Variants in KAZN observed in about 807,000 individuals in gnomAD.
KAZN encodes the protein kazrin.
KAZN carries 40 observed loss-of-function variants against 87.4 expected under a neutral mutation model. The ratio of observed to expected loss-of-function variants is 0.46; its 90% CI spans 0.36 to 0.60. The LOEUF (loss-of-function observed/expected upper bound fraction) is 0.60, where lower values mean the gene tolerates loss of function less well. Ranked by LOEUF, KAZN falls within the 20% of genes least tolerant of loss-of-function variation. KAZN has a pLI of 0.00. For missense variants in KAZN, 898 were observed against 1,073.9 expected (o/e 0.84, Z 2.29); for synonymous variants, 466 against 458.3 (o/e 1.02, Z -0.22).
intron 2 of KAZN, among the ~76,000 whole-genome samples, chr1:14,461,517 C>G (rs991060266): frequency 1.8e-4 from 27 of 152,258 alleles, no homozygotes; most frequent in Middle Eastern, 3.4e-3. Context: ...TCCATCAAAC[C>G]TTTTTTTCTT....
chr1:14,104,308 TC>T, intron 1 of KAZN, among the ~76,000 whole-genome samples: 1 of 152,200 alleles, frequency 6.6e-6, no homozygotes, highest in South Asian at 2.1e-4. Context: ...TGACTCAACA[TC>T]CCCCATGCAA....
At chr1:14,503,168 A>G (rs11804898) in intron 2 of KAZN, among the ~76,000 whole-genome samples, 79,720 of 151,504 alleles carry the variant, frequency 0.53, 21,479 homozygotes, top group South Asian at 0.65. Context: ...AGCAACGCCA[A>G]TCTCAGAGAG....
At chr1:14,243,225 T>C (rs371922128) in intron 2 of KAZN, among the ~76,000 whole-genome samples, 3 of 152,198 alleles carry the variant, frequency 2.0e-5, no homozygotes, top group East Asian at 3.9e-4. Context: ...CTTTCTCTTT[T>C]CTTTGAGAGC....
chr1:14,050,061 G>T (rs1166467743), intron 1 of KAZN, among the ~76,000 whole-genome samples: 2 of 151,736 alleles, frequency 1.3e-5, no homozygotes, highest in South Asian at 4.2e-4. Flanking sequence ...GTGGGTGTGT[G>T]GGGGCATGCA....
At chr1:14,346,125 G>A (rs138912732) in intron 2 of KAZN, among the ~76,000 whole-genome samples, 4 of 152,280 alleles carry the variant, frequency 2.6e-5, no homozygotes, top group East Asian at 3.9e-4. Context: ...GGCATTCATC[G>A]TCCAGGCAGA....
chr1:14,997,165 T>C (rs1229176805), intron 2 of KAZN, among the ~76,000 whole-genome samples: 1 of 152,094 alleles, frequency 6.6e-6, no homozygotes, highest in Non-Finnish European at 1.5e-5. Context: ...AGTTCCTTCA[T>C]GCATTTCACA....
chr1:13,921,821 TG>T (rs2100904257), intron 1 of KAZN, among the ~76,000 whole-genome samples: 1 of 152,050 alleles, frequency 6.6e-6, no homozygotes, highest in Admixed American at 6.5e-5. Context: ...TTAGTAGAGA[TG>T]GGGTTTCACT....
At chr1:14,218,591 C>T (rs927641577) in intron 2 of KAZN, among the ~76,000 whole-genome samples, 3 of 152,054 alleles carry the variant, frequency 2.0e-5, no homozygotes, top group African/African-American at 7.2e-5. Flanking sequence ...AAAGATCAGA[C>T]AATTTATGTT....
At chr1:14,905,712 C>A (rs1460214978) in intron 1 of KAZN, among the ~76,000 whole-genome samples, 1 of 151,036 alleles carries the variant, frequency 6.6e-6, no homozygotes, top group East Asian at 2.0e-4. Context: ...GGCATGGTGG[C>A]ACGTGCCTGT....
chr1:14,991,517 C>T (rs966862803), intron 2 of KAZN, among the ~76,000 whole-genome samples: 3 of 152,162 alleles, frequency 2.0e-5, no homozygotes, highest in South Asian at 2.1e-4. Context: ...CCTAGGAGCC[C>T]GAGGAATGTG....
intron 2 of KAZN, among the ~76,000 whole-genome samples, chr1:14,266,432 A>G (rs116797846): frequency 0.015 from 2,327 of 152,340 alleles, 61 homozygotes; most frequent in African/African-American, 0.052. Context: ...TAATTTTACC[A>G]CACGCTAATT....
At chr1:14,579,348 G>A (rs1007019652) in intron 2 of KAZN, among the ~76,000 whole-genome samples, 24 of 152,098 alleles carry the variant, frequency 1.6e-4, no homozygotes, top group African/African-American at 5.6e-4. Context: ...TGAGTAGTCT[G>A]GGCGTGGTGG....
intron 1 of KAZN, among the ~76,000 whole-genome samples, chr1:14,758,482 ATT>A (rs35168767): frequency 2.3e-4 from 35 of 149,984 alleles, no homozygotes; most frequent in Middle Eastern, 3.4e-3. Flanking sequence ...TAATTTTTTA[ATT>A]TTTTTTTTTA....
At chr1:15,035,694 G>T (rs1672188211) in intron 3 of KAZN, among the ~76,000 whole-genome samples, 1 of 152,128 alleles carries the variant, frequency 6.6e-6, no homozygotes, top group South Asian at 2.1e-4. Flanking sequence ...ACAAAAAGTA[G>T]CCGGTCATTG....
chr1:13,994,896 A>AAACC (rs1158031481), intron 1 of KAZN, among the ~76,000 whole-genome samples: 2 of 128,562 alleles, frequency 1.6e-5, no homozygotes, highest in African/African-American at 2.9e-5. Context: ...ACAAACAAAC[A>AAACC]AACCTTGAAA....
intron 2 of KAZN, among the ~76,000 whole-genome samples, chr1:14,468,726 A>G (rs868522960): frequency 6.6e-6 from 1 of 152,224 alleles, no homozygotes; most frequent in Non-Finnish European, 1.5e-5. Context: ...TTTTCACTTT[A>G]CTGGAAAGTT....
At chr1:14,868,236 C>T (rs1651754352) in intron 1 of KAZN, among the ~76,000 whole-genome samples, 1 of 152,116 alleles carries the variant, frequency 6.6e-6, no homozygotes, top group African/African-American at 2.4e-5. Context: ...GCATTGCAAA[C>T]ACATGGCATC....
At chr1:14,819,736 C>T in intron 1 of KAZN, among the ~76,000 whole-genome samples, 1 of 128,376 alleles carries the variant, frequency 7.8e-6, no homozygotes, top group Admixed American at 8.8e-5. Flanking sequence ...GAGAAGGAGT[C>T]TCACTCTGTC....
chr1:14,586,316 G>A (rs1327678738), intron 2 of KAZN, among the ~76,000 whole-genome samples: 2 of 152,142 alleles, frequency 1.3e-5, no homozygotes, highest in East Asian at 1.9e-4. Context: ...TCAATCAAAC[G>A]CCACAGTTTA....
Sources: gnomAD v4.1 joint callset for allele counts (sites outside exome capture counted in the v4.1 genomes callset) on GRCh38, gnomAD v4.1.1 for gene constraint, MANE v1.5 for transcripts, NCBI Gene and HGNC (gene_info 2026-07-23, HGNC 2026-07-21) for gene names.